ZHX2: variants seen among roughly 807,000 people sequenced by gnomAD.
ZHX2 encodes zinc fingers and homeoboxes 2.
In ZHX2, 6 loss-of-function variants were observed where a neutral mutation model predicts 21.9. That is an observed-to-expected ratio of 0.27 (90% CI 0.15 to 0.54). The LOEUF (loss-of-function observed/expected upper bound fraction) is 0.54, where lower values mean the gene tolerates loss of function less well. Among genes scored for constraint, ZHX2 ranks in the 20% least tolerant of loss-of-function variants. ZHX2 has a pLI of 0.95. For missense variants in ZHX2, 908 were observed against 1,090.7 expected (o/e 0.83, Z 2.36); for synonymous variants, 434 against 437.1 (o/e 0.99, Z 0.09).
Position 122,952,665 on chromosome 8 carries a change from A to G in ZHX2, c.1155A>G (p.Ser385=). ...SLVLTQVTSG[S]TTVSCSPITL... is the part of the protein sequence containing the mutation. ...TGCTGACTCAGGTGACCAGCGGGTC[A>G]ACAACCGTCTCTTGCTCCCCCATCA... Residue 385 remains serine, a synonymous_variant, in exon 3 of 4, where the codon TCA becomes TCG. Coordinates refer to ENST00000314393, the MANE Select transcript of ZHX2 (RefSeq NM_014943.5). The surrounding 1 kb of genome is among the most constrained non-coding windows in gnomAD (Gnocchi z 6.9). 6.2e-7 allele frequency: 1 copy of G among 1,612,390 alleles called. No homozygotes were observed. The highest frequency in any genetic ancestry group is 8.5e-7 in the Non-Finnish European group (1 of 1,178,422).
intron 2 of ZHX2, among the ~76,000 whole-genome samples, chr8:122,905,662 T>G (rs1212826482): frequency 6.6e-6 from 1 of 152,040 alleles, no homozygotes; most frequent in Non-Finnish European, 1.5e-5. Context: ...ACAGTCTGAG[T>G]CTCAAGAAGC....
chr8:122,883,480 TG>T (rs1256255353), intron 2 of ZHX2, among the ~76,000 whole-genome samples: 1 of 152,180 alleles, frequency 6.6e-6, no homozygotes, highest in Non-Finnish European at 1.5e-5. Flanking sequence ...CTCTGACACA[TG>T]GGATTCTTTG....
At chr8:122,796,224 C>T (rs182077636) in intron 1 of ZHX2, among the ~76,000 whole-genome samples, 1 of 151,986 alleles carries the variant, frequency 6.6e-6, no homozygotes, top group East Asian at 1.9e-4. Flanking sequence ...TAGACACTGG[C>T]CCTGTCTTCC....
At chr8:122,788,428 G>A (rs151095011) in intron 1 of ZHX2, among the ~76,000 whole-genome samples, 21 of 152,120 alleles carry the variant, frequency 1.4e-4, no homozygotes, top group African/African-American at 4.3e-4. Flanking sequence ...TGAACTGGGC[G>A]TGGTGACACA....
At chr8:122,914,920 T>C (rs1393865792) in intron 2 of ZHX2, among the ~76,000 whole-genome samples, 3 of 152,234 alleles carry the variant, frequency 2.0e-5, no homozygotes, top group Non-Finnish European at 4.4e-5. Flanking sequence ...TGGGAGCATC[T>C]TGCCTTCCTT....
At chr8:122,846,243 G>A (rs1396414943) in intron 1 of ZHX2, among the ~76,000 whole-genome samples, 2 of 152,176 alleles carry the variant, frequency 1.3e-5, no homozygotes, top group Non-Finnish European at 2.9e-5. Context: ...GGAGTTAGGG[G>A]ATCCTTGCAA....
intron 2 of ZHX2, among the ~76,000 whole-genome samples, chr8:122,868,702 A>C (rs1819358834): frequency 8.5e-6 from 1 of 117,556 alleles, no homozygotes; most frequent in Non-Finnish European, 2.0e-5. Context: ...CTCCGTCAAA[A>C]AAAAAAAAAA....
intron 1 of ZHX2, among the ~76,000 whole-genome samples, chr8:122,791,248 A>G (rs1372305796): frequency 6.6e-6 from 1 of 152,212 alleles, no homozygotes; most frequent in East Asian, 1.9e-4. Context: ...ACCGTAGCCC[A>G]TGTCATTTGC....
chr8:122,952,721 G>A lies in ZHX2; in HGVS notation c.1211G>A (p.Gly404Asp), dbSNP rs1813157462. Residue 404 changes from glycine to aspartate, a missense_variant, in exon 3 of 4, where the codon GGC becomes GAC. By Grantham distance (94) the Gly-to-Asp change is moderately conservative (BLOSUM62 -1). Around this residue, in one of 4 missense-constraint regions of ZHX2, gnomAD observed 232 missense variants for 361.8 expected, o/e 0.64. Transcript: ENST00000314393. The surrounding 1 kb of genome is among the most constrained non-coding windows in gnomAD (Gnocchi z 6.9). ...GCCGTGGCAGGAGTCACCAACCATG[G>A]CCAGAAGAGACCCTTGGTGACTCCC... ...TLAVAGVTNH[G>D]QKRPLVTPQA... The A allele has an allele frequency of 6.2e-7, 1 of 1,613,924 alleles. No individual in the cohort carries two copies.
intron 2 of ZHX2, among the ~76,000 whole-genome samples, chr8:122,900,138 C>G (rs992471209): frequency 3.9e-5 from 6 of 152,102 alleles, no homozygotes; most frequent in African/African-American, 1.4e-4. Flanking sequence ...GTGGCTTAGT[C>G]CATTTTGTGT....
At chr8:122,882,715 C>T (rs1231455713) in intron 2 of ZHX2, among the ~76,000 whole-genome samples, 2 of 152,196 alleles carry the variant, frequency 1.3e-5, no homozygotes, top group Non-Finnish European at 2.9e-5. Context: ...GGCACAGTGG[C>T]TCATGCCTGT....
At chr8:122,811,442 A>G (rs2130607440) in intron 1 of ZHX2, among the ~76,000 whole-genome samples, 1 of 152,354 alleles carries the variant, frequency 6.6e-6, no homozygotes, top group Non-Finnish European at 1.5e-5. Flanking sequence ...ACTAGAGAAT[A>G]TGATGCAGGT....
chr8:122,901,113 T>A (rs1169773533), intron 2 of ZHX2, among the ~76,000 whole-genome samples: 1 of 152,238 alleles, frequency 6.6e-6, no homozygotes, highest in East Asian at 1.9e-4. Flanking sequence ...TTGATTTTTT[T>A]AAATTATTAA....
chr8:122,954,707 G>A (rs1204613989), intron 3 of ZHX2, among the ~76,000 whole-genome samples: 2 of 152,164 alleles, frequency 1.3e-5, no homozygotes, highest in East Asian at 1.9e-4. Flanking sequence ...GGGCAGCACC[G>A]CTGGCTGTGG....
intron 3 of ZHX2, among the ~76,000 whole-genome samples, chr8:122,968,375 T>C (rs1813635951): frequency 6.6e-6 from 1 of 152,148 alleles, no homozygotes; most frequent in Admixed American, 6.5e-5. Flanking sequence ...TGGCCAAAAC[T>C]GACTCAAGCC....
intron 1 of ZHX2, among the ~76,000 whole-genome samples, chr8:122,839,530 A>G (rs1818577403): frequency 6.6e-6 from 1 of 152,154 alleles, no homozygotes; most frequent in South Asian, 2.1e-4. Context: ...CCTCAATGAT[A>G]TGTTTGCAAT....
chr8:122,949,348 A>G (rs554935409), intron 2 of ZHX2, among the ~76,000 whole-genome samples: 1 of 152,276 alleles, frequency 6.6e-6, no homozygotes, highest in Admixed American at 6.5e-5. Flanking sequence ...AAAATGATAG[A>G]CTGGGAAAAG....
rs559933267 is a variant in ZHX2, at chr8:122,791,636, C to T, written c.-283+9690C>T. The stretch of plus-strand genomic sequence containing the variant: ...TCCTAGCACTTTGGGAGGCCGAGGC[C>T]GGTAGATCACCTGAGGTCAAGAGTT... On this transcript the variant is annotated intron_variant, in intron 1 of 3. Coordinates refer to ENST00000314393, the MANE Select transcript of ZHX2 (RefSeq NM_014943.5). 1.4e-3 allele frequency among the ~76,000 whole-genome samples: 206 copies of T among 152,166 alleles called. 1 individual carries two copies. The highest frequency in any genetic ancestry group is 4.1e-3 in the African/African-American group (171 of 41,496).
chr8:122,957,057 T>G (rs960202569), intron 3 of ZHX2, among the ~76,000 whole-genome samples: 1 of 152,010 alleles, frequency 6.6e-6, no homozygotes, highest in Non-Finnish European at 1.5e-5. Context: ...ATAGCAGAGG[T>G]CGAGGTAGGT....
Sources: allele counts gnomAD v4.1 joint callset (sites outside exome capture counted in the v4.1 genomes callset), GRCh38; gene constraint gnomAD v4.1.1; regional missense constraint gnomAD v4.1.1; non-coding constraint Gnocchi (gnomAD v3.1); transcripts MANE v1.5; gene names NCBI Gene and HGNC (gene_info 2026-07-23, HGNC 2026-07-21).